CYTH3: variants seen among roughly 807,000 people sequenced by gnomAD.
CYTH3 encodes the protein cytohesin 3, also known as cytohesin-3.
Under a neutral mutation model 55.1 loss-of-function variants are expected in CYTH3, and 23 were observed. The ratio of observed to expected loss-of-function variants is 0.42; its 90% CI spans 0.30 to 0.59. CYTH3 has a LOEUF of 0.59. Among genes scored for constraint, CYTH3 ranks in the 20% least tolerant of loss-of-function variants. The probability of loss-of-function intolerance (pLI) is 0.20; values close to 1 mark genes in which losing one functional copy is unlikely to be tolerated. For synonymous variants in CYTH3, 249 were observed against 194.9 expected (o/e 1.28, Z -2.31); for missense variants, 413 against 524.8 (o/e 0.79, Z 2.08).
chr7:6,184,499 G>C (rs1417676850), intron 4 of CYTH3, among the ~76,000 whole-genome samples: 1 of 152,192 alleles, frequency 6.6e-6, no homozygotes, highest in African/African-American at 2.4e-5. Flanking sequence ...TCAAGAGCCT[G>C]ACAGAGAGGG....
intron 1 of CYTH3, among the ~76,000 whole-genome samples, chr7:6,259,500 T>A (rs1386752163): frequency 6.6e-6 from 1 of 151,520 alleles, no homozygotes; most frequent in Non-Finnish European, 1.5e-5. Context: ...TCTTCCAATA[T>A]TTACATAATA....
chr7:6,184,610 T>TA (rs1347381764), intron 4 of CYTH3, among the ~76,000 whole-genome samples: 1 of 152,174 alleles, frequency 6.6e-6, no homozygotes, highest in Non-Finnish European at 1.5e-5. Flanking sequence ...GACAGCCTCT[T>TA]ACTCTTGTCG....
intron 1 of CYTH3, among the ~76,000 whole-genome samples, chr7:6,225,273 A>G (rs189243764): frequency 2.0e-5 from 3 of 152,326 alleles, no homozygotes; most frequent in Non-Finnish European, 2.9e-5. Context: ...TGAATTGTGC[A>G]TAGAAATTGT....
At chr7:6,259,766 TATATATTATATATATATAATATA>T (rs1780251639) in intron 1 of CYTH3, among the ~76,000 whole-genome samples, 1 of 24,750 alleles carries the variant, frequency 4.0e-5, no homozygotes, top group Non-Finnish European at 5.6e-5. Flanking sequence ...ATTATATATA[TATATATTATATATATATAATATA>T]TATATATATA....
intron 1 of CYTH3, among the ~76,000 whole-genome samples, chr7:6,241,756 C>G (rs1385165798): frequency 6.6e-6 from 1 of 151,908 alleles, no homozygotes; most frequent in Non-Finnish European, 1.5e-5. Flanking sequence ...AAAGAAAGGG[C>G]TAGAACAAGG....
intron 4 of CYTH3, among the ~76,000 whole-genome samples, chr7:6,180,448 G>A (rs536384803): frequency 5.3e-4 from 81 of 152,356 alleles, no homozygotes; most frequent in African/African-American, 1.9e-3. Context: ...ACAAGACAAT[G>A]GAGGCAGAGA....
chr7:6,255,691 C>A (rs1388930125), intron 1 of CYTH3, among the ~76,000 whole-genome samples: 1 of 150,726 alleles, frequency 6.6e-6, no homozygotes, highest in African/African-American at 2.4e-5. Context: ...AAATTAAGGA[C>A]TTACAGACTC....
chr7:6,239,536 A>G (rs926459259), intron 1 of CYTH3, among the ~76,000 whole-genome samples: 3 of 152,270 alleles, frequency 2.0e-5, no homozygotes, highest in Non-Finnish European at 2.9e-5. Context: ...ATTGGACAAG[A>G]GACTAAAATC....
At chr7:6,190,410 CAG>C (rs768010815) in intron 2 of CYTH3, 37 bp downstream of exon 2, 15 of 1,324,288 alleles carry the variant, frequency 1.1e-5, no homozygotes, top group African/African-American at 1.7e-5. Flanking sequence ...AAGCAAAAAA[CAG>C]AGTTTTGGAT....
intron 2 of CYTH3, among the ~76,000 whole-genome samples, chr7:6,188,496 G>C (rs1039543920): frequency 6.6e-6 from 1 of 152,096 alleles, no homozygotes; most frequent in Admixed American, 6.5e-5. Context: ...CTGAGGCTCG[G>C]GTGTGTTTAG....
chr7:6,173,189 G>A, intron 6 of CYTH3: 1 of 461,026 alleles, frequency 2.2e-6, no homozygotes, highest in Non-Finnish European at 2.9e-6. Context: ...CAACGTGCAG[G>A]AAGGGCAGCT....
At chr7:6,266,842 A>G (rs568244834) in intron 1 of CYTH3, among the ~76,000 whole-genome samples, 4 of 152,322 alleles carry the variant, frequency 2.6e-5, no homozygotes, top group Admixed American at 6.5e-5. Context: ...CTCTCCATCT[A>G]AACATGAGCT....
intron 5 of CYTH3, among the ~76,000 whole-genome samples, chr7:6,174,882 T>C (rs1177047664): frequency 2.0e-5 from 3 of 152,224 alleles, no homozygotes; most frequent in Admixed American, 6.5e-5. Context: ...TCCTTGATGA[T>C]CAATTGAGCA....
Position 6,167,350 on chromosome 7 carries a change from C to T in CYTH3, c.824-1540G>A, listed in dbSNP as rs897428696. On this transcript the variant is annotated intron_variant, in intron 9 of 12. Coordinates refer to ENST00000350796, the MANE Select transcript of CYTH3 (RefSeq NM_004227.4). This position sits in a 1 kb window ranked among gnomAD's most constrained non-coding sequence, Gnocchi z 5.5. ...AGAGGTGTTCTATGTCCCCGAGACC[C>T]TAGGGACAGGAGGACAGTGCTGATT... Among the ~76,000 whole-genome samples, 1 of 152,196 alleles carries T rather than the reference C, an allele frequency of 6.6e-6. No homozygotes were observed.
intron 1 of CYTH3, among the ~76,000 whole-genome samples, chr7:6,204,893 G>A (rs1429734792): frequency 6.6e-6 from 1 of 152,194 alleles, no homozygotes; most frequent in Non-Finnish European, 1.5e-5. Flanking sequence ...GGATGAGTGC[G>A]GTGGCTCACG....
At chr7:6,192,529 A>ATTTTTTTT (rs36036670) in intron 1 of CYTH3, among the ~76,000 whole-genome samples, 1 of 111,324 alleles carries the variant, frequency 9.0e-6, no homozygotes, top group African/African-American at 3.6e-5. Flanking sequence ...CCACAAGTCA[A>ATTTTTTTT]TTTTTTTTTT....
intron 1 of CYTH3, among the ~76,000 whole-genome samples, chr7:6,194,803 C>T (rs1389587002): frequency 1.3e-5 from 2 of 152,080 alleles, no homozygotes; most frequent in Admixed American, 1.3e-4. Flanking sequence ...GGTGAAACCG[C>T]ATCTCTACTA....
chr7:6,189,587 G>C (rs983124795), intron 2 of CYTH3, among the ~76,000 whole-genome samples: 6 of 152,010 alleles, frequency 3.9e-5, no homozygotes, highest in Admixed American at 1.3e-4. Context: ...GGGATAACAG[G>C]TGTGAGCCGC....
At chr7:6,245,616 G>C (rs566108488) in intron 1 of CYTH3, among the ~76,000 whole-genome samples, 18 of 152,330 alleles carry the variant, frequency 1.2e-4, no homozygotes, top group Non-Finnish European at 8.8e-5. Flanking sequence ...CCTCAAAAGA[G>C]TTTGGGGGCC....
Sources: gnomAD v4.1 joint callset for allele counts (sites outside exome capture counted in the v4.1 genomes callset) on GRCh38, gnomAD v4.1.1 for gene constraint, Gnocchi (gnomAD v3.1) non-coding constraint, MANE v1.5 for transcripts, NCBI Gene and HGNC (gene_info 2026-07-23, HGNC 2026-07-21) for gene names.